The following ARHGAP35 variants were observed in gnomAD, a reference collection of about 807,000 sequenced individuals.
ARHGAP35 encodes Rho GTPase activating protein 35.
In ARHGAP35, 15 loss-of-function variants were observed where a neutral mutation model predicts 111.1. The ratio of observed to expected loss-of-function variants is 0.13; its 90% CI spans 0.09 to 0.21. The LOEUF is 0.21. Ranked by LOEUF, ARHGAP35 falls within the 10% of genes least tolerant of loss-of-function variation. The probability of loss-of-function intolerance (pLI) is 1.00; values close to 1 mark genes in which losing one functional copy is unlikely to be tolerated. For synonymous variants in ARHGAP35, 643 were observed against 710.3 expected (o/e 0.91, Z 1.51); for missense variants, 1,262 against 1,873.0 (o/e 0.67, Z 6.02).
In ARHGAP35 at chr19:47,001,495, T is replaced by A. The variant is rs1719948766; in HGVS notation, c.*807T>A. 3 of 994,712 alleles carry A rather than the reference T, an allele frequency of 3.0e-6. No homozygotes were observed. The South Asian group carries it at 4.2e-5, about 14-fold the overall frequency. The allele number at this position is 994,712 out of a possible 1,614,324, so 61.6% of individuals were successfully genotyped here. On this transcript the variant is annotated 3_prime_UTR_variant, in exon 7 of 7. Transcript: ENST00000672722. The surrounding 1 kb of genome is among the most constrained non-coding windows in gnomAD (Gnocchi z 5.4). ...GCCGGGAGGGAGGGAGGCACACAGG[T>A]GGAGCTGACCCTCGTCTTTGTGGCA...
chr19:47,001,291 G>A lies in ARHGAP35; in HGVS notation c.*603G>A. On this transcript the variant is annotated 3_prime_UTR_variant, in exon 7 of 7. Transcript: ENST00000672722. This position sits in a 1 kb window ranked among gnomAD's most constrained non-coding sequence, Gnocchi z 5.4. ...GAGGATAGCTTTGTGCCTGGACCCAGAGAGTGTGGGACTCCCCGCTTCATC... is the reference window on the plus strand; with the variant it reads ...GAGGATAGCTTTGTGCCTGGACCCAAAGAGTGTGGGACTCCCCGCTTCATC... 7.7e-7 allele frequency: 1 copy of A among 1,290,458 alleles called. No homozygotes were observed. The highest frequency in any genetic ancestry group is 1.2e-5 in the South Asian group (1 of 81,014). 79.9% of individuals were successfully genotyped at this position (1,290,458 alleles called of 1,614,324 possible).
chr19:46,985,105 A>T (rs1276098314), intron 3 of ARHGAP35, among the ~76,000 whole-genome samples: 1 of 152,182 alleles, frequency 6.6e-6, no homozygotes, highest in Non-Finnish European at 1.5e-5. Flanking sequence ...ACTTAGATTT[A>T]GTTTTATTTG....
chr19:46,875,158 GTTTTATTGTTGT>G (rs2055911229), intron 1 of ARHGAP35, among the ~76,000 whole-genome samples: 1 of 151,912 alleles, frequency 6.6e-6, no homozygotes, highest in African/African-American at 2.4e-5. Context: ...ACCCCATTTG[GTTTTATTGTTGT>G]TTTTATTTAA....
chr19:46,971,648 C>T (rs1272910441), intron 3 of ARHGAP35, among the ~76,000 whole-genome samples: 1 of 151,538 alleles, frequency 6.6e-6, no homozygotes, highest in Non-Finnish European at 1.5e-5. Flanking sequence ...TACAGGCGCA[C>T]GCCACCACAC....
intron 3 of ARHGAP35, among the ~76,000 whole-genome samples, chr19:46,976,263 G>A (rs1324029679): frequency 1.1e-5 from 1 of 90,260 alleles, no homozygotes; most frequent in East Asian, 3.0e-4. Context: ...CCGTTTTTCT[G>A]CTTGCTTATA....
At chr19:46,910,003 T>G (rs2056129889) in intron 1 of ARHGAP35, among the ~76,000 whole-genome samples, 2 of 152,180 alleles carry the variant, frequency 1.3e-5, no homozygotes, top group Admixed American at 1.3e-4. Context: ...ATTGCTATAT[T>G]CAAATGGAGT....
chr19:46,964,057 G>A (rs1191128599), intron 3 of ARHGAP35, among the ~76,000 whole-genome samples: 2 of 151,710 alleles, frequency 1.3e-5, no homozygotes, highest in Admixed American at 6.6e-5. Flanking sequence ...TAGTAGAGAC[G>A]GGGTTTCACC....
intron 5 of ARHGAP35, among the ~76,000 whole-genome samples, chr19:46,991,470 T>G (rs1326860674): frequency 6.6e-6 from 1 of 152,228 alleles, no homozygotes; most frequent in East Asian, 1.9e-4. Flanking sequence ...TCAGCCACCC[T>G]TCCCACAGCA....
Position 46,999,102 on chromosome 19 carries a change from G to C in ARHGAP35, c.4037-202G>C, listed in dbSNP as rs781698568. On this transcript the variant is annotated intron_variant, in intron 5 of 6. Coordinates refer to ENST00000672722, the MANE Select transcript of ARHGAP35 (RefSeq NM_004491.5). The surrounding 1 kb of genome is among the most constrained non-coding windows in gnomAD (Gnocchi z 5.4). ...GTGCCGCCCTTCAGCGGGGGCCTGG[G>C]ACACAGAGGTGGGCCAGACCCCTGG... The C allele has an allele frequency of 1.3e-4, 75 of 568,898 alleles. No homozygotes were observed. The highest frequency in any genetic ancestry group is 2.2e-4 in the Non-Finnish European group (71 of 319,954). 35.2% of individuals were successfully genotyped at this position (568,898 alleles called of 1,614,324 possible).
At chr19:46,935,863 A>G (rs187092087) in intron 2 of ARHGAP35, among the ~76,000 whole-genome samples, 34 of 152,350 alleles carry the variant, frequency 2.2e-4, no homozygotes, top group Non-Finnish European at 3.7e-4. Context: ...AAGGTTCAAA[A>G]TAAAAAGATT....
In ARHGAP35 at chr19:46,922,155, G is replaced by A. The variant is rs768467435; in HGVS notation, c.3480G>A (p.Thr1160=). 1.9e-5 allele frequency: 30 copies of A among 1,613,892 alleles called. No homozygotes were observed. Among genetic ancestry groups the A allele is most frequent in the Admixed American group, 1.8e-4 (11 of 60,000 alleles). ...TGAGCAAGCCAGTGCTGTACAGGAC[G>A]AGATGCACCCGGCTGGGGCGGTTTG... ...SIVSKPVLYR[T]RCTRLGRFAS... The change falls in exon 2 of 7, where the codon ACG becomes ACA. Residue 1160 remains threonine, a synonymous_variant. Transcript: ENST00000672722. The surrounding 1 kb of genome is among the most constrained non-coding windows in gnomAD (Gnocchi z 4.0).
chr19:46,970,092 C>T (rs907612959), intron 3 of ARHGAP35, among the ~76,000 whole-genome samples: 17 of 152,146 alleles, frequency 1.1e-4, no homozygotes, highest in African/African-American at 4.1e-4. Flanking sequence ...TTTCTTTCCA[C>T]GGATTGAATT....
At chr19:46,972,512 G>A (rs1568483870) in intron 3 of ARHGAP35, among the ~76,000 whole-genome samples, 3 of 152,144 alleles carry the variant, frequency 2.0e-5, no homozygotes, top group Admixed American at 6.5e-5. Flanking sequence ...TTAGGCGTGC[G>A]GCGCACAGCC....
chr19:46,947,629 G>A (rs2056387469), intron 3 of ARHGAP35: 1 of 152,076 alleles, frequency 6.6e-6, no homozygotes, highest in African/African-American at 2.4e-5. Flanking sequence ...CCACACACCA[G>A]GCACCAGACA....
chr19:46,896,907 CTTTT>C (rs1353060185), intron 1 of ARHGAP35, among the ~76,000 whole-genome samples: 1 of 151,856 alleles, frequency 6.6e-6, no homozygotes, highest in Non-Finnish European at 1.5e-5. Flanking sequence ...TTCTTTCTTT[CTTTT>C]GAGACAGCTT....
chr19:46,871,703 G>T (rs1396615779), intron 1 of ARHGAP35, among the ~76,000 whole-genome samples: 1 of 151,922 alleles, frequency 6.6e-6, no homozygotes, highest in Admixed American at 6.5e-5. Context: ...AGAGGGCTGG[G>T]TGCAGTGGCT....
intron 1 of ARHGAP35, among the ~76,000 whole-genome samples, chr19:46,910,455 C>T (rs542417455): frequency 6.6e-5 from 10 of 150,726 alleles, no homozygotes; most frequent in African/African-American, 1.7e-4. Context: ...CCTCACCCAG[C>T]GAATTTTTTT....
intron 1 of ARHGAP35, among the ~76,000 whole-genome samples, chr19:46,904,470 A>G (rs1599808864): frequency 6.6e-6 from 1 of 152,154 alleles, no homozygotes; most frequent in African/African-American, 2.4e-5. Flanking sequence ...CAGTTTAAGT[A>G]TGGGAAGGAA....
At chr19:46,929,591 C>CT (rs55818906) in intron 2 of ARHGAP35, among the ~76,000 whole-genome samples, 6,174 of 92,994 alleles carry the variant, frequency 0.066, 565 homozygotes, top group African/African-American at 0.12. Context: ...ACCTGTTACT[C>CT]TTTTTTTTTT....
Sources: allele counts gnomAD v4.1 joint callset (sites outside exome capture counted in the v4.1 genomes callset), GRCh38; gene constraint gnomAD v4.1.1; non-coding constraint Gnocchi (gnomAD v3.1); transcripts MANE v1.5; gene names NCBI Gene and HGNC (gene_info 2026-07-23, HGNC 2026-07-21).